The following TTLL5 variants were observed in gnomAD, a reference collection of about 807,000 sequenced individuals.
TTLL5 encodes the protein tubulin tyrosine ligase like 5, also known as tubulin polyglutamylase TTLL5.
TTLL5 carries 132 observed loss-of-function variants against 168.4 expected under a neutral mutation model. The ratio of observed to expected loss-of-function variants is 0.78; its 90% CI spans 0.68 to 0.91. TTLL5 has a LOEUF of 0.91. Ranked by LOEUF, TTLL5 falls within the 40% of genes least tolerant of loss-of-function variation. The probability of loss-of-function intolerance (pLI) is 0.00; values close to 1 mark genes in which losing one functional copy is unlikely to be tolerated. For missense variants in TTLL5, 1,545 were observed against 1,581.5 expected (o/e 0.98, Z 0.39); for synonymous variants, 546 against 558.6 (o/e 0.98, Z 0.32).
At chr14:75,921,510 G>C (rs1317615228) in intron 31 of TTLL5, among the ~76,000 whole-genome samples, 4 of 152,262 alleles carry the variant, frequency 2.6e-5, no homozygotes, top group African/African-American at 9.6e-5. Flanking sequence ...GTTTTTGTCA[G>C]GTTTGTCAAA....
chr14:75,846,673 C>T (rs564013958), intron 28 of TTLL5, among the ~76,000 whole-genome samples: 1 of 151,954 alleles, frequency 6.6e-6, no homozygotes, highest in Admixed American at 6.6e-5. Context: ...GCCCGTAATC[C>T]CAGCTACAAG....
chr14:75,926,085 G>GA (rs2034051270), intron 31 of TTLL5, among the ~76,000 whole-genome samples: 3 of 148,696 alleles, frequency 2.0e-5, no homozygotes, highest in African/African-American at 7.8e-5. Flanking sequence ...CGTGGGCCGT[G>GA]GGGAGAGGGA....
At chr14:75,813,027 A>T (rs1894147887) in intron 27 of TTLL5, among the ~76,000 whole-genome samples, 2 of 152,148 alleles carry the variant, frequency 1.3e-5, no homozygotes, top group South Asian at 4.1e-4. Flanking sequence ...GATTGGGAGA[A>T]TTTTCATCAG....
At position 75,857,376 on chromosome 14, in the gene TTLL5, G is replaced by A. The variant is rs1278331551; in HGVS notation, c.3327-6291G>A. 2.3e-5 allele frequency among the ~76,000 whole-genome samples: 3 copies of A among 133,026 alleles called. No homozygotes were observed. The East Asian group carries it at 6.5e-4, about 29-fold the overall frequency. 87.3% of individuals were successfully genotyped at this position (133,026 alleles called of 152,430 possible). On this transcript the variant is annotated intron_variant, in intron 28 of 31. Coordinates refer to ENST00000298832, the MANE Select transcript of TTLL5 (RefSeq NM_015072.5). Reference sequence around the variant, plus strand: ...TTATCCTAGTGTATTTGATTGGTTGGTTGATTAGATAGATAGATAGATAGA... The same window carrying A: ...TTATCCTAGTGTATTTGATTGGTTGATTGATTAGATAGATAGATAGATAGA...
intron 3 of TTLL5, among the ~76,000 whole-genome samples, chr14:75,673,092 CCAT>C (rs890749207): frequency 6.6e-6 from 1 of 151,384 alleles, no homozygotes; most frequent in African/African-American, 2.4e-5. Flanking sequence ...GTGTACACCA[CCAT>C]GGCTAGCTAA....
At chr14:75,877,849 T>G (rs530143359) in intron 29 of TTLL5, among the ~76,000 whole-genome samples, 1 of 152,338 alleles carries the variant, frequency 6.6e-6, no homozygotes, top group East Asian at 1.9e-4. Flanking sequence ...CTGGAGAGGC[T>G]GATTTCTGCT....
intron 27 of TTLL5, among the ~76,000 whole-genome samples, chr14:75,813,205 TG>T (rs1204489656): frequency 6.7e-6 from 1 of 150,228 alleles, no homozygotes; most frequent in African/African-American, 2.4e-5. Context: ...TGTGTGTGTG[TG>T]TGTGTGTGTG....
chr14:75,916,402 G>T (rs1258379098), intron 31 of TTLL5, among the ~76,000 whole-genome samples: 1 of 152,116 alleles, frequency 6.6e-6, no homozygotes, highest in African/African-American at 2.4e-5. Context: ...AGCACTTTGG[G>T]AGGCTGAGGC....
chr14:75,938,504 A>T (rs779606191), intron 31 of TTLL5, among the ~76,000 whole-genome samples: 12 of 152,232 alleles, frequency 7.9e-5, no homozygotes, highest in Non-Finnish European at 1.3e-4. Flanking sequence ...GCCTGTGAAT[A>T]AAATTTTGTT....
At chr14:75,674,187 C>T (rs1883968797) in intron 3 of TTLL5, among the ~76,000 whole-genome samples, 1 of 152,182 alleles carries the variant, frequency 6.6e-6, no homozygotes, top group Admixed American at 6.5e-5. Flanking sequence ...CCAAACTTTT[C>T]TCAAATTCTG....
At chr14:75,948,864 A>G (rs567852835) in intron 31 of TTLL5, among the ~76,000 whole-genome samples, 1 of 152,304 alleles carries the variant, frequency 6.6e-6, no homozygotes, top group Non-Finnish European at 1.5e-5. Flanking sequence ...TTTAATATTT[A>G]ACTTACAAAT....
chr14:75,730,146 GTCAA>G (rs1888440450), intron 12 of TTLL5, among the ~76,000 whole-genome samples: 2 of 152,152 alleles, frequency 1.3e-5, no homozygotes, highest in Admixed American at 1.3e-4. Context: ...ATTCTTTTTC[GTCAA>G]TCAAATGTTG....
chr14:75,739,358 G>T (rs1236105708), intron 15 of TTLL5, among the ~76,000 whole-genome samples: 1 of 151,830 alleles, frequency 6.6e-6, no homozygotes, highest in Non-Finnish European at 1.5e-5. Context: ...TTGTCTTTCT[G>T]TTAACGAAGC....
At chr14:75,713,253 A>G (rs1037090200) in intron 9 of TTLL5, among the ~76,000 whole-genome samples, 3 of 152,228 alleles carry the variant, frequency 2.0e-5, no homozygotes, top group African/African-American at 7.2e-5. Flanking sequence ...TAACATCATA[A>G]CACAATGTAT....
chr14:75,738,947 G>T (rs1566582699), intron 15 of TTLL5, among the ~76,000 whole-genome samples: 1 of 152,008 alleles, frequency 6.6e-6, no homozygotes. Flanking sequence ...TGGGACTACA[G>T]GTGCACACCA....
chr14:75,788,452 C>A (rs986432372), intron 26 of TTLL5, among the ~76,000 whole-genome samples: 1 of 151,852 alleles, frequency 6.6e-6, no homozygotes, highest in Non-Finnish European at 1.5e-5. Flanking sequence ...TATAAATACA[C>A]CCAAAATGAC....
At chr14:75,673,862 A>G (rs1478863437) in intron 3 of TTLL5, among the ~76,000 whole-genome samples, 3 of 152,158 alleles carry the variant, frequency 2.0e-5, no homozygotes, top group African/African-American at 7.2e-5. Context: ...TTTAAAGGGA[A>G]GTGGTTCATT....
rs770166031 is a variant in TTLL5 at position 75,720,697 on chromosome 14, T to C, written c.1036T>C (p.Cys346Arg). 6.2e-7 allele frequency: 1 copy of C among 1,613,030 alleles called. No individual in the cohort carries two copies. The highest frequency in any genetic ancestry group is 1.3e-5 in the African/African-American group (1 of 74,872). ...CKTFVPHRSS[C>R]FELYGFDVLI... ...AACCTTTGTTCCTCATCGCAGCAGT[T>C]GTTTTGGTAAGGAGACTCAAGAAGC... is the stretch of plus-strand genomic sequence containing the variant. The change falls in exon 12 of 32, where the codon TGT becomes CGT. Residue 346 changes from cysteine to arginine, a missense_variant. Physicochemically the swap from Cys to Arg is radical, Grantham distance 180 (BLOSUM62 -3). Coordinates refer to ENST00000298832, the MANE Select transcript of TTLL5 (RefSeq NM_015072.5).
At chr14:75,669,310 C>A in intron 2 of TTLL5, 106 bp from the exon 3 acceptor site, 1 of 1,010,926 alleles carries the variant, frequency 9.9e-7, no homozygotes, top group Non-Finnish European at 1.5e-6. Context: ...GATTTGTATT[C>A]CAGAAGGAAG....
Sources: allele counts gnomAD v4.1 joint callset (sites outside exome capture counted in the v4.1 genomes callset), GRCh38; gene constraint gnomAD v4.1.1; transcripts MANE v1.5; gene names NCBI Gene and HGNC (gene_info 2026-07-23, HGNC 2026-07-21).